GNAQ: variants seen among roughly 807,000 people sequenced by gnomAD.
GNAQ encodes guanine nucleotide-binding protein G(q) subunit alpha.
Under a neutral mutation model 43.9 loss-of-function variants are expected in GNAQ, and 8 were observed. The observed-to-expected ratio is 0.18, with a 90% CI of 0.11 to 0.33. The LOEUF (loss-of-function observed/expected upper bound fraction) is 0.33, where lower values mean the gene tolerates loss of function less well. Among genes scored for constraint, GNAQ ranks in the 10% least tolerant of loss-of-function variants. GNAQ has a pLI of 1.00. For missense variants in GNAQ, 158 were observed against 450.8 expected (o/e 0.35, Z 5.88); for synonymous variants, 155 against 170.7 (o/e 0.91, Z 0.71).
intron 1 of GNAQ, among the ~76,000 whole-genome samples, chr9:77,924,620 C>T (rs1433881312): frequency 6.6e-6 from 1 of 152,064 alleles, no homozygotes; most frequent in African/African-American, 2.4e-5. Flanking sequence ...AATGAAATCA[C>T]GTTGGGCAAG....
chr9:78,008,869 G>T (rs181400783), intron 1 of GNAQ, among the ~76,000 whole-genome samples: 97 of 152,194 alleles, frequency 6.4e-4, no homozygotes, highest in Non-Finnish European at 1.0e-3. Flanking sequence ...CGCCCACCTC[G>T]GCCTCCCAAA....
chr9:77,847,396 G>A (rs972864503), intron 2 of GNAQ, among the ~76,000 whole-genome samples: 1 of 152,172 alleles, frequency 6.6e-6, no homozygotes, highest in Non-Finnish European at 1.5e-5. Context: ...CCAGTGCCAC[G>A]AAAAACACGA....
At chr9:77,776,742 A>G (rs569388345) in intron 5 of GNAQ, among the ~76,000 whole-genome samples, 1 of 152,304 alleles carries the variant, frequency 6.6e-6, no homozygotes, top group East Asian at 1.9e-4. Context: ...TACAGCTAAC[A>G]TATATCAATA....
intron 5 of GNAQ, among the ~76,000 whole-genome samples, chr9:77,789,305 TGAG>T (rs1826530131): frequency 1.3e-5 from 2 of 152,048 alleles, no homozygotes; most frequent in South Asian, 2.1e-4. Context: ...AAAGATACCA[TGAG>T]GAGAATAAAT....
intron 2 of GNAQ, among the ~76,000 whole-genome samples, chr9:77,903,872 G>A (rs1041622003): frequency 4.6e-5 from 7 of 152,116 alleles, no homozygotes; most frequent in African/African-American, 9.7e-5. Context: ...TAAAACCCGT[G>A]CCTGTTTCCT....
chr9:77,819,023 A>C lies in GNAQ; in HGVS notation c.322-3253T>G, dbSNP rs1302004601. Among the ~76,000 whole-genome samples the C allele has an allele frequency of 2.0e-5, 3 of 150,924 alleles. 1 individual carries two copies. Among genetic ancestry groups the C allele is most frequent in the Non-Finnish European group, 4.4e-5 (3 of 67,714 alleles). On this transcript the variant is annotated intron_variant, in intron 2 of 6. Coordinates refer to ENST00000286548, the MANE Select transcript of GNAQ (RefSeq NM_002072.5). ...TCTCCAAAAAAAAAAAAAAAAAAAA[A>C]AAAAAACACCCAAAAATACCTAGTA... is the stretch of plus-strand genomic sequence containing the variant.
At chr9:77,964,635 A>G (rs1363451288) in intron 1 of GNAQ, among the ~76,000 whole-genome samples, 2 of 152,004 alleles carry the variant, frequency 1.3e-5, no homozygotes, top group African/African-American at 4.8e-5. Context: ...GATACCTAGA[A>G]AAATCTCCAA....
chr9:77,844,045 A>T (rs1827534872), intron 2 of GNAQ, among the ~76,000 whole-genome samples: 1 of 152,174 alleles, frequency 6.6e-6, no homozygotes, highest in Non-Finnish European at 1.5e-5. Flanking sequence ...AGTAAAAGAC[A>T]CTTCTCCCAG....
intron 1 of GNAQ, among the ~76,000 whole-genome samples, chr9:77,941,047 AT>A (rs1358965600): frequency 6.6e-6 from 1 of 152,264 alleles, no homozygotes; most frequent in East Asian, 1.9e-4. Flanking sequence ...CAACTAAAAA[AT>A]AATTTAGCTT....
At chr9:77,805,227 G>A (rs1248517012) in intron 3 of GNAQ, among the ~76,000 whole-genome samples, 4 of 152,198 alleles carry the variant, frequency 2.6e-5, no homozygotes, top group Admixed American at 2.0e-4. Context: ...CTGGTAATCT[G>A]GTTAGGATGG....
intron 1 of GNAQ, among the ~76,000 whole-genome samples, chr9:77,933,820 T>C (rs1466263094): frequency 2.0e-5 from 3 of 152,170 alleles, no homozygotes; most frequent in East Asian, 1.9e-4. Flanking sequence ...ACATTTTTTT[T>C]CCAGATAATA....
chr9:77,720,329 C>T lies in GNAQ; in HGVS notation c.*994G>A, dbSNP rs1017827504. ...TGACAAAAAGCCAGCTTTGGCAACA[C>T]ATACCCATAATAAAAGTCATTTTAA... On this transcript the variant is annotated 3_prime_UTR_variant, in exon 7 of 7. Transcript: ENST00000286548. The T allele has an allele frequency of 6.0e-5, 14 of 233,376 alleles. No homozygotes were observed. Among genetic ancestry groups the T allele is most frequent in the African/African-American group, 3.1e-4 (14 of 45,304 alleles). The allele number at this position is 233,376 out of a possible 1,614,324, so 14.5% of individuals were successfully genotyped here.
At chr9:77,854,866 A>G (rs531488961) in intron 2 of GNAQ, among the ~76,000 whole-genome samples, 27 of 152,344 alleles carry the variant, frequency 1.8e-4, no homozygotes, top group Admixed American at 1.6e-3. Flanking sequence ...TTGCTCACCT[A>G]GAAGTTCAGG....
chr9:78,030,907 G>GTGTGTGTGTC (rs886841934), intron 1 of GNAQ, among the ~76,000 whole-genome samples, 193 bp downstream of exon 1: 13 of 151,554 alleles, frequency 8.6e-5, no homozygotes, highest in African/African-American at 3.1e-4. Context: ...GTGTGTGTGT[G>GTGTGTGTGTC]TGTGTGTGTG....
chr9:77,954,090 C>G lies in GNAQ; in HGVS notation c.137-31745G>C, dbSNP rs1823014062. 3.9e-5 allele frequency among the ~76,000 whole-genome samples: 6 copies of G among 152,306 alleles called. No individual in the cohort carries two copies. The South Asian group carries it at 1.2e-3, about 32-fold the overall frequency. On this transcript the variant is annotated intron_variant, in intron 1 of 6. Coordinates refer to ENST00000286548, the MANE Select transcript of GNAQ (RefSeq NM_002072.5). ...CATGAAAACTGTTTCATTTCCTTAT[C>G]ATCTGTTTATCATGTGATCCTGAAA...
intron 1 of GNAQ, among the ~76,000 whole-genome samples, chr9:78,026,179 T>C (rs1823977504): frequency 1.3e-5 from 2 of 152,202 alleles, no homozygotes; most frequent in African/African-American, 4.8e-5. Flanking sequence ...TAGATAAACC[T>C]GCAATATTTT....
At chr9:77,863,027 A>G (rs540816030) in intron 2 of GNAQ, among the ~76,000 whole-genome samples, 1 of 152,240 alleles carries the variant, frequency 6.6e-6, no homozygotes, top group East Asian at 1.9e-4. Context: ...AAACAAAATT[A>G]GCCGGGTGTG....
rs545662450 is a variant in GNAQ at position 77,721,540 on chromosome 9, C to CTT, written c.890-29_890-28dup. The CTT allele has an allele frequency of 1.9e-4, 252 of 1,356,396 alleles. 2 individuals are homozygous for CTT. The East Asian group carries it at 4.0e-3, about 22-fold the overall frequency. The allele number at this position is 1,356,396 out of a possible 1,614,324, so 84.0% of individuals were successfully genotyped here. Reference sequence around the variant, plus strand: ...TTTCGGCCAAGAGACAAGAGGGACACTTTGTTACCTAATCTGCTAATGTAT... The same window carrying CTT: ...TTTCGGCCAAGAGACAAGAGGGACACTTTTTGTTACCTAATCTGCTAATGTAT... On this transcript the variant is annotated intron_variant, in intron 6 of 6. Coordinates refer to ENST00000286548, the MANE Select transcript of GNAQ (RefSeq NM_002072.5).
intron 1 of GNAQ, among the ~76,000 whole-genome samples, chr9:78,007,686 AG>A (rs1426092062): frequency 6.6e-6 from 1 of 152,210 alleles, no homozygotes; most frequent in Non-Finnish European, 1.5e-5. Flanking sequence ...CTTACAACAA[AG>A]GCAGCTCTCT....
Sources: allele counts gnomAD v4.1 joint callset (sites outside exome capture counted in the v4.1 genomes callset), GRCh38; gene constraint gnomAD v4.1.1; transcripts MANE v1.5; gene names NCBI Gene and HGNC (gene_info 2026-07-23, HGNC 2026-07-21).